Variants in IPO11 observed in about 807,000 individuals in gnomAD.
IPO11 encodes the protein importin-11.
In IPO11, 66 loss-of-function variants were observed where a neutral mutation model predicts 143.2. That is an observed-to-expected ratio of 0.46 (90% CI 0.38 to 0.57). The LOEUF (loss-of-function observed/expected upper bound fraction) is 0.57, where lower values mean the gene tolerates loss of function less well. Among genes scored for constraint, IPO11 ranks in the 20% least tolerant of loss-of-function variants. The pLI is 0.00. For synonymous variants in IPO11, 385 were observed against 377.8 expected, an observed-to-expected ratio of 1.02 and a Z score of -0.22; for missense variants, 1,026 against 1,141.0, an observed-to-expected ratio of 0.90 and a Z score of 1.45.
At chr5:62,489,692 A>G (rs1339789941) in intron 14 of IPO11, among the ~76,000 whole-genome samples, 2 of 152,152 alleles carry the variant, frequency 1.3e-5, no homozygotes, top group African/African-American at 2.4e-5. Context: ...AGCAATAAGT[A>G]CAAAGACTTG....
At position 62,485,850 on chromosome 5, in the gene IPO11, TA is replaced by T. The variant is rs781614647; in HGVS notation, c.1218+407del. 9.8e-3 allele frequency among the ~76,000 whole-genome samples: 1,238 copies of T among 126,550 alleles called. 3 individuals are homozygous for T. The highest frequency in any genetic ancestry group is 0.021 in the African/African-American group (729 of 34,346). The allele number at this position is 126,550 out of a possible 152,430, so 83.0% of individuals were successfully genotyped here. ...GGATTACAAAGCAAAACCCGTCTCTTAAAAAAAAAAAAAAAAAAATTAAAGA... is the reference window on the plus strand; with the variant it reads ...GGATTACAAAGCAAAACCCGTCTCTTAAAAAAAAAAAAAAAAAATTAAAGA... On this transcript the variant is annotated intron_variant, in intron 12 of 29. Transcript: ENST00000325324.
At chr5:62,485,999 T>G (rs1421092224) in intron 12 of IPO11, among the ~76,000 whole-genome samples, 83 of 149,816 alleles carry the variant, frequency 5.5e-4, no homozygotes, top group East Asian at 3.7e-3. Flanking sequence ...TTTTTTTTTT[T>G]GAGACAGAAT....
chr5:62,488,565 G>C (rs1370909698), intron 13 of IPO11, among the ~76,000 whole-genome samples: 1 of 152,184 alleles, frequency 6.6e-6, no homozygotes, highest in Non-Finnish European at 1.5e-5. Context: ...TACTTTCGGA[G>C]TGCATGTATG....
At chr5:62,554,061 G>A (rs949161414) in intron 26 of IPO11, among the ~76,000 whole-genome samples, 1 of 152,104 alleles carries the variant, frequency 6.6e-6, no homozygotes, top group South Asian at 2.1e-4. Flanking sequence ...GTACCTGTTG[G>A]CCATTCGTAT....
At chr5:62,434,351 G>A (rs1235650044) in intron 1 of IPO11, among the ~76,000 whole-genome samples, 1 of 152,114 alleles carries the variant, frequency 6.6e-6, no homozygotes, top group Non-Finnish European at 1.5e-5. Flanking sequence ...GCCCAGGCTG[G>A]AGTGCAGTGG....
intron 27 of IPO11, chr5:62,581,345 T>C (rs1744552937): frequency 1.4e-6 from 2 of 1,425,758 alleles, no homozygotes; most frequent in South Asian, 1.6e-5. Flanking sequence ...TTCAGTGCCA[T>C]GGACATGATT....
In IPO11 at chr5:62,456,416, A is replaced by G. The variant is rs557851116; in HGVS notation, c.516+4483A>G. 2.0e-5 allele frequency among the ~76,000 whole-genome samples: 3 copies of G among 152,304 alleles called. No individual in the cohort carries two copies. The South Asian group carries it at 6.2e-4, about 32-fold the overall frequency. On this transcript the variant is annotated intron_variant, in intron 5 of 29. Transcript: ENST00000325324. The stretch of plus-strand genomic sequence containing the variant: ...CACTAAAAATAAGGAAATTTAAGGT[A>G]CAGGGAGCAATTGTAATGAAGTTGG...
intron 10 of IPO11, 67 bp downstream of exon 10, chr5:62,483,360 A>G: frequency 1.1e-6 from 1 of 945,248 alleles, no homozygotes; most frequent in Non-Finnish European, 1.5e-6. Context: ...TGCTATAATT[A>G]CAAACTTTTT....
chr5:62,425,349 CTGT>C (rs1261662593), intron 1 of IPO11, among the ~76,000 whole-genome samples: 3 of 152,148 alleles, frequency 2.0e-5, no homozygotes, highest in African/African-American at 4.8e-5. Flanking sequence ...CGGAGTTTTG[CTGT>C]TGTTGCCCAG....
chr5:62,432,204 C>T (rs891254809), intron 1 of IPO11, among the ~76,000 whole-genome samples: 24 of 152,244 alleles, frequency 1.6e-4, no homozygotes, highest in African/African-American at 5.8e-4. Context: ...TTTATTTATC[C>T]TGGTGTGGTA....
intron 1 of IPO11, among the ~76,000 whole-genome samples, chr5:62,424,599 T>C (rs1279986048): frequency 1.3e-5 from 2 of 151,492 alleles, no homozygotes; most frequent in Admixed American, 6.6e-5. Flanking sequence ...TTTTTTTTTT[T>C]TAATTTTTAT....
chr5:62,476,318 T>A (rs1306599348), intron 8 of IPO11, among the ~76,000 whole-genome samples: 3 of 152,122 alleles, frequency 2.0e-5, no homozygotes, highest in East Asian at 3.9e-4. Context: ...TCAGAAGATA[T>A]AGGAAAAATG....
chr5:62,559,649 G>T (rs1743700126), intron 26 of IPO11, among the ~76,000 whole-genome samples: 2 of 151,882 alleles, frequency 1.3e-5, no homozygotes, highest in Non-Finnish European at 2.9e-5. Context: ...GGGTGCGGTG[G>T]CTCACGCCTG....
intron 24 of IPO11, among the ~76,000 whole-genome samples, chr5:62,549,098 T>C (rs1031231660): frequency 6.6e-6 from 1 of 152,092 alleles, no homozygotes; most frequent in Non-Finnish European, 1.5e-5. Flanking sequence ...TTTTTGTTTT[T>C]TGTTTTTTGT....
chr5:62,508,603 C>T (rs925191457), intron 19 of IPO11, among the ~76,000 whole-genome samples: 1 of 150,336 alleles, frequency 6.7e-6, no homozygotes, highest in African/African-American at 2.5e-5. Flanking sequence ...TCCCTTTCTC[C>T]CTCCCTCCCT....
chr5:62,477,124 A>G (rs1745987315), intron 9 of IPO11, among the ~76,000 whole-genome samples: 1 of 152,230 alleles, frequency 6.6e-6, no homozygotes, highest in Non-Finnish European at 1.5e-5. Flanking sequence ...CAGTATATTC[A>G]GAATGACCAT....
intron 11 of IPO11, 128 bp downstream of exon 11, chr5:62,484,290 T>A: frequency 1.4e-6 from 1 of 715,024 alleles, no homozygotes; most frequent in Non-Finnish European, 2.1e-6. Flanking sequence ...GTTTTAAAAT[T>A]AACTTACTCT....
At position 62,553,927 on chromosome 5, in the gene IPO11, C is replaced by A. The variant is rs551712887; in HGVS notation, c.2460+2591C>A. ...ACCACCCCGGCTGGCTATGGGATTT[C>A]ACCATGTTGGCCAGACTCATCTCGA... On this transcript the variant is annotated intron_variant, in intron 26 of 29. Transcript: ENST00000325324. Among the ~76,000 whole-genome samples the A allele has an allele frequency of 9.9e-5, 15 of 152,068 alleles. No homozygotes were observed. The East Asian group carries it at 2.7e-3, about 28-fold the overall frequency.
chr5:62,447,330 C>T (rs935873689), intron 3 of IPO11, among the ~76,000 whole-genome samples: 1 of 152,062 alleles, frequency 6.6e-6, no homozygotes, highest in Non-Finnish European at 1.5e-5. Context: ...GTCTTGAACT[C>T]CTGACTGCAA....
Sources: gnomAD v4.1 joint callset for allele counts (sites outside exome capture counted in the v4.1 genomes callset) on GRCh38, gnomAD v4.1.1 for gene constraint, MANE v1.5 for transcripts, NCBI Gene and HGNC (gene_info 2026-07-23, HGNC 2026-07-21) for gene names.